OR5A1: variants seen among roughly 807,000 people sequenced by gnomAD.
The protein encoded by OR5A1 is olfactory receptor 5A1.
Under a neutral mutation model 6.7 loss-of-function variants are expected in OR5A1, and 6 were observed. That is an observed-to-expected ratio of 0.89 (90% CI 0.49 to 1.76). The LOEUF (loss-of-function observed/expected upper bound fraction) is 1.76, where lower values mean the gene tolerates loss of function less well. OR5A1 is among the 40% of genes most tolerant of loss of function. The probability of loss-of-function intolerance (pLI) is 0.01; values close to 1 mark genes in which losing one functional copy is unlikely to be tolerated. For missense variants in OR5A1, 378 were observed against 381.7 expected (o/e 0.99, Z 0.08); for synonymous variants, 170 against 155.0 (o/e 1.10, Z -0.72).
In OR5A1 at chr11:59,443,930, G is replaced by GT; in HGVS notation, c.765dup (p.Gly256TrpfsTer65). 6.2e-7 allele frequency: 1 copy of GT among 1,614,146 alleles called. No individual in the cohort carries two copies. The highest frequency in any genetic ancestry group is 8.5e-7 in the Non-Finnish European group (1 of 1,180,018). ...CGCATCTGATGGTGGTGACTCTGCT[G>GT]TTTGGGACAGCCCTTTTCGTGTACT... On this transcript the variant is annotated frameshift_variant, in exon 2 of 2. Coordinates refer to ENST00000641045, the MANE Select transcript of OR5A1 (RefSeq NM_001004728.2). LOFTEE classifies it high-confidence loss of function.
rs912239104 is a variant in OR5A1, at chr11:59,444,620, C to CA, written c.*511dup. 2.0e-5 allele frequency: 3 copies of CA among 153,234 alleles called. No individual in the cohort carries two copies. The highest frequency in any genetic ancestry group is 6.5e-5 in the Admixed American group (1 of 15,370). The allele number at this position is 153,234 out of a possible 1,614,324, so 9.5% of individuals were successfully genotyped here. On this transcript the variant is annotated 3_prime_UTR_variant, in exon 2 of 2. Coordinates refer to ENST00000641045, the MANE Select transcript of OR5A1 (RefSeq NM_001004728.2). ...CCCAAACGCTGCACTCCACATTCAACAAAAAAATAGCCCAAAAGTAGTACG... is the reference window on the plus strand; with the variant it reads ...CCCAAACGCTGCACTCCACATTCAACAAAAAAAATAGCCCAAAAGTAGTACG...
Position 59,445,569 on chromosome 11 carries a change from T to C in OR5A1, c.*1453T>C, listed in dbSNP as rs1474884926. On this transcript the variant is annotated 3_prime_UTR_variant, in exon 2 of 2. Coordinates refer to ENST00000641045, the MANE Select transcript of OR5A1 (RefSeq NM_001004728.2). ...CAAATGATATTTCCATTTCTAGGTC[T>C]TTGAGGACTCGCCACACTGTCTTCC... is the stretch of plus-strand genomic sequence containing the variant. 6.6e-6 allele frequency: 1 copy of C among 152,130 alleles called. No individual in the cohort carries two copies. Among genetic ancestry groups the C allele is most frequent in the African/African-American group, 2.4e-5 (1 of 41,418 alleles). 9.4% of individuals were successfully genotyped at this position (152,130 alleles called of 1,614,324 possible).
chr11:59,444,317 C>CAT lies in OR5A1; in HGVS notation c.*202_*203insTA, dbSNP rs1435839287. Reference sequence around the variant, plus strand: ...TAGCCAAAAAGGGAAGGAATTTCTTCAGAAAAAAAAAAAAAAAAAAAAGAA... The same window carrying CAT: ...TAGCCAAAAAGGGAAGGAATTTCTTCATAGAAAAAAAAAAAAAAAAAAAAGAA... On this transcript the variant is annotated 3_prime_UTR_variant, in exon 2 of 2. Transcript: ENST00000641045. 1.7e-4 allele frequency: 10 copies of CAT among 59,154 alleles called. No homozygotes were observed. The highest frequency in any genetic ancestry group is 1.1e-3 in the East Asian group (3 of 2,662). 3.7% of individuals were successfully genotyped at this position (59,154 alleles called of 1,614,324 possible).
In OR5A1 at chr11:59,444,123, C is replaced by T. The variant is rs1269489709; in HGVS notation, c.*7C>T. On this transcript the variant is annotated 3_prime_UTR_variant, in exon 2 of 2. Coordinates refer to ENST00000641045, the MANE Select transcript of OR5A1 (RefSeq NM_001004728.2). ...GAAGAAAGTGTTTTCTTAGGTCATG[C>T]GTAGAAACTTATTTATCCAAACTGC... 1.3e-6 allele frequency: 2 copies of T among 1,575,562 alleles called. No homozygotes were observed. The highest frequency in any genetic ancestry group is 1.7e-6 in the Non-Finnish European group (2 of 1,148,152).
In OR5A1 at chr11:59,444,165, C is replaced by G; in HGVS notation, c.*49C>G. 1 of 1,303,880 alleles carries G rather than the reference C, an allele frequency of 7.7e-7. No individual in the cohort carries two copies. The allele number at this position is 1,303,880 out of a possible 1,614,324, so 80.8% of individuals were successfully genotyped here. On this transcript the variant is annotated 3_prime_UTR_variant, in exon 2 of 2. Transcript: ENST00000641045. ...CCAAACTGCTGGAGAATTAAACAAT[C>G]CAAGCCTTCACCTCCACCTCTGCCT...
chr11:59,443,113 G>A lies in OR5A1; in HGVS notation c.-33-23G>A, dbSNP rs1590613187. The A allele has an allele frequency of 4.4e-6, 6 of 1,352,520 alleles. No homozygotes were observed. The East Asian group carries it at 1.4e-4, about 31-fold the overall frequency. The allele number at this position is 1,352,520 out of a possible 1,614,324, so 83.8% of individuals were successfully genotyped here. A position where few individuals can be genotyped will look rare whatever the true frequency, so the allele number is the denominator to read the frequency against. ...GTTATTTGCTAATACCACCTATAAT[G>A]TGGACTGTCATTACTATCCCAGGTC... On this transcript the variant is annotated intron_variant, in intron 1 of 1. Coordinates refer to ENST00000641045, the MANE Select transcript of OR5A1 (RefSeq NM_001004728.2).
rs1341592944 is a variant in OR5A1 at position 59,447,168 on chromosome 11, AAC to A, written c.*3055_*3056del. The A allele has an allele frequency of 6.6e-6, 1 of 152,222 alleles. No homozygotes were observed. The highest frequency in any genetic ancestry group is 1.9e-4 in the East Asian group (1 of 5,196). The allele number at this position is 152,222 out of a possible 1,614,324, so 9.4% of individuals were successfully genotyped here. On this transcript the variant is annotated 3_prime_UTR_variant, in exon 2 of 2. Transcript: ENST00000641045. ...CATGGCTCCTGAGACTAAACTCATA[AAC>A]ACTTTGTGACATTTCCCCCAAGTGG...
At chr11:59,441,213 T>C (rs1296822381) in intron 1 of OR5A1, among the ~76,000 whole-genome samples, 1 of 152,200 alleles carries the variant, frequency 6.6e-6, no homozygotes, top group Non-Finnish European at 1.5e-5. Flanking sequence ...ACTTCTATAA[T>C]ATATACAAGT....
intron 1 of OR5A1, among the ~76,000 whole-genome samples, chr11:59,442,515 T>C (rs1465799730): frequency 6.6e-6 from 1 of 151,988 alleles, no homozygotes; most frequent in East Asian, 1.9e-4. Flanking sequence ...TAAGATAAAT[T>C]TGAAATTCAA....
intron 1 of OR5A1, among the ~76,000 whole-genome samples, chr11:59,442,633 A>C (rs1858493296): frequency 6.6e-6 from 1 of 152,184 alleles, no homozygotes. Flanking sequence ...ATCGTTTCAC[A>C]ACTACATAGC....
rs772995728 is a variant in OR5A1 at position 59,444,709 on chromosome 11, G to A, written c.*593G>A. On this transcript the variant is annotated 3_prime_UTR_variant, in exon 2 of 2. Coordinates refer to ENST00000641045, the MANE Select transcript of OR5A1 (RefSeq NM_001004728.2). ...AAAAGATACACTATGTGTAGTTAAG[G>A]TAAATTAGAAAAACAAGATGCCTAC... The A allele has an allele frequency of 1.3e-5, 2 of 152,302 alleles. No homozygotes were observed. The highest frequency in any genetic ancestry group is 2.9e-5 in the Non-Finnish European group (2 of 68,024). The allele number at this position is 152,302 out of a possible 1,614,324, so 9.4% of individuals were successfully genotyped here. A position where few individuals can be genotyped will look rare whatever the true frequency, so the allele number is the denominator to read the frequency against.
At position 59,443,612 on chromosome 11, in the gene OR5A1, G is replaced by A. The variant is rs1157610879; in HGVS notation, c.444G>A (p.Val148=). The A allele has an allele frequency of 1.2e-6, 2 of 1,614,028 alleles. No homozygotes were observed. Among genetic ancestry groups the A allele is most frequent in the East Asian group, 4.5e-5 (2 of 44,880 alleles). The part of the protein sequence containing the change: ...IMTQGLCTRM[V]VGAYVGGFLS... Reference sequence around the variant, plus strand: ...CCCAGGGCCTCTGTACACGCATGGTGGTTGGGGCATATGTTGGTGGCTTCC... The same window carrying A: ...CCCAGGGCCTCTGTACACGCATGGTAGTTGGGGCATATGTTGGTGGCTTCC... The change falls in exon 2 of 2, where the codon GTG becomes GTA. Residue 148 remains valine, a synonymous_variant. Transcript: ENST00000641045.
rs1455711752 is a variant in OR5A1, at chr11:59,444,321, A to G, written c.*205A>G. 7.3e-4 allele frequency: 196 copies of G among 267,932 alleles called. No homozygotes were observed. The highest frequency in any genetic ancestry group is 1.1e-3 in the Non-Finnish European group (164 of 142,838). The allele number at this position is 267,932 out of a possible 1,614,324, so 16.6% of individuals were successfully genotyped here. ...CAAAAAGGGAAGGAATTTCTTCAGA[A>G]AAAAAAAAAAAAAAAAAAGAACCTC... On this transcript the variant is annotated 3_prime_UTR_variant, in exon 2 of 2. Coordinates refer to ENST00000641045, the MANE Select transcript of OR5A1 (RefSeq NM_001004728.2).
In OR5A1 at chr11:59,447,305, G is replaced by A. The variant is rs1858561806; in HGVS notation, c.*3189G>A. 6.6e-6 allele frequency: 1 copy of A among 152,146 alleles called. No individual in the cohort carries two copies. Among genetic ancestry groups the A allele is most frequent in the African/African-American group, 2.4e-5 (1 of 41,416 alleles). 9.4% of individuals were successfully genotyped at this position (152,146 alleles called of 1,614,324 possible). A position where few individuals can be genotyped will look rare whatever the true frequency, so the allele number is the denominator to read the frequency against. On this transcript the variant is annotated 3_prime_UTR_variant, in exon 2 of 2. Coordinates refer to ENST00000641045, the MANE Select transcript of OR5A1 (RefSeq NM_001004728.2). The stretch of plus-strand genomic sequence containing the variant: ...TGCCTCCCATTTCTGTCTACTGGAA[G>A]TATCCCATGCCTCCATTTTTCTATT...
Position 59,450,888 on chromosome 11 carries a change from T to C in OR5A1, c.*6772T>C, listed in dbSNP as rs753167094. On this transcript the variant is annotated 3_prime_UTR_variant, in exon 2 of 2. Transcript: ENST00000641045. ...TAATTGTACTATTGTGCCATATTTATTGAACAAATTTTCTATATCAGACGC... is the reference window on the plus strand; with the variant it reads ...TAATTGTACTATTGTGCCATATTTACTGAACAAATTTTCTATATCAGACGC... The C allele has an allele frequency of 1.3e-5, 2 of 152,254 alleles. No individual in the cohort carries two copies. The highest frequency in any genetic ancestry group is 2.4e-5 in the African/African-American group (1 of 41,468). The allele number at this position is 152,254 out of a possible 1,614,324, so 9.4% of individuals were successfully genotyped here.
In OR5A1 at chr11:59,443,303, C is replaced by G. The variant is rs370934096; in HGVS notation, c.135C>G (p.Asn45Lys). 1.9e-6 allele frequency: 3 copies of G among 1,613,808 alleles called. No homozygotes were observed. Among genetic ancestry groups the G allele is most frequent in the Non-Finnish European group, 2.5e-6 (3 of 1,179,982 alleles). Residue 45 changes from asparagine (N) to lysine (K), a missense_variant, in exon 2 of 2, where the codon AAC (asparagine) becomes AAG (lysine). By Grantham distance (94) the Asn-to-Lys change is moderately conservative. Coordinates refer to ENST00000641045, the MANE Select transcript of OR5A1 (RefSeq NM_001004728.2). ...TCTATCTTACCACCCTGGCCTGGAA[C>G]CTGGCCCTCATTTTTCTGATCAGAG... ...LGIYLTTLAW[N>K]LALIFLIRGD... is the part of the protein sequence containing the mutation.
intron 1 of OR5A1, among the ~76,000 whole-genome samples, chr11:59,441,764 AT>A (rs1858482059): frequency 6.6e-6 from 1 of 152,212 alleles, no homozygotes; most frequent in African/African-American, 2.4e-5. Context: ...AATTCAAATA[AT>A]TTGATTGAGG....
Position 59,449,457 on chromosome 11 carries a change from T to C in OR5A1, c.*5341T>C, listed in dbSNP as rs1045472654. ...TGATTAAGATCTCCTACTTCTAACC[T>C]AAAATACTGGGCTTCCTAAGACACA... On this transcript the variant is annotated 3_prime_UTR_variant, in exon 2 of 2. Coordinates refer to ENST00000641045, the MANE Select transcript of OR5A1 (RefSeq NM_001004728.2). 1 of 152,176 alleles carries C rather than the reference T, an allele frequency of 6.6e-6. No individual in the cohort carries two copies. Among genetic ancestry groups the C allele is most frequent in the Admixed American group, 6.6e-5 (1 of 15,258 alleles). The allele number at this position is 152,176 out of a possible 1,614,324, so 9.4% of individuals were successfully genotyped here.
At chr11:59,438,144 CA>C (rs1199205206) in intron 1 of OR5A1, among the ~76,000 whole-genome samples, 1 of 152,208 alleles carries the variant, frequency 6.6e-6, no homozygotes. Context: ...GCCAGCGCCA[CA>C]CTTCTTGTAC....
Sources: allele counts gnomAD v4.1 joint callset (sites outside exome capture counted in the v4.1 genomes callset), GRCh38; gene constraint gnomAD v4.1.1; transcripts MANE v1.5; gene names NCBI Gene and HGNC (gene_info 2026-07-23, HGNC 2026-07-21).